The following SLC24A2 variants were observed in gnomAD, a reference collection of about 807,000 sequenced individuals.
The protein encoded by SLC24A2 is solute carrier family 24 member 2.
SLC24A2 carries 36 observed loss-of-function variants against 62.0 expected under a neutral mutation model. The observed-to-expected ratio is 0.58, with a 90% CI of 0.44 to 0.77. SLC24A2 has a LOEUF of 0.77. Ranked by LOEUF, SLC24A2 falls within the 30% of genes least tolerant of loss-of-function variation. The probability of loss-of-function intolerance (pLI) is 0.00; values close to 1 mark genes in which losing one functional copy is unlikely to be tolerated. For missense variants in SLC24A2, 846 were observed against 817.9 expected (o/e 1.03, Z -0.42); for synonymous variants, 358 against 294.0 (o/e 1.22, Z -2.23).
At chr9:19,910,711 G>A in the SLC24A2 span, among the ~76,000 whole-genome samples, 1 of 151,980 alleles carries the variant, frequency 6.6e-6, no homozygotes, top group Non-Finnish European at 1.5e-5. Flanking sequence ...ACCTTCAGAT[G>A]TTCCTAGATT....
chr9:20,246,631 C>T, the SLC24A2 span, among the ~76,000 whole-genome samples: 6 of 152,206 alleles, frequency 3.9e-5, no homozygotes, highest in Admixed American at 2.6e-4. Context: ...GAATGCAGAT[C>T]TCCCTCAAGA....
At chr9:19,825,688 G>A in the SLC24A2 span, among the ~76,000 whole-genome samples, 14 of 152,234 alleles carry the variant, frequency 9.2e-5, no homozygotes, top group African/African-American at 2.9e-4. Flanking sequence ...GCAGTCTTAC[G>A]TCCTGCCCCA....
chr9:19,975,865 GA>G, the SLC24A2 span, among the ~76,000 whole-genome samples: 3 of 150,132 alleles, frequency 2.0e-5, no homozygotes, highest in Admixed American at 6.6e-5. Flanking sequence ...AAAATATTTA[GA>G]AAAAAAAATA....
At chr9:19,897,631 A>G in the SLC24A2 span, among the ~76,000 whole-genome samples, 3 of 152,226 alleles carry the variant, frequency 2.0e-5, no homozygotes, top group Non-Finnish European at 4.4e-5. Flanking sequence ...AAAGTTTATT[A>G]TTAAATAGAA....
the SLC24A2 span, among the ~76,000 whole-genome samples, chr9:20,305,805 A>G: frequency 6.6e-6 from 1 of 152,208 alleles, no homozygotes; most frequent in Non-Finnish European, 1.5e-5. Flanking sequence ...ACAAAGTACC[A>G]TAGACTGGGC....
chr9:19,890,104 C>T, the SLC24A2 span, among the ~76,000 whole-genome samples: 1 of 152,214 alleles, frequency 6.6e-6, no homozygotes, highest in Non-Finnish European at 1.5e-5. Context: ...ACACCCGTCT[C>T]TTTCTCTATC....
intron 2 of SLC24A2, among the ~76,000 whole-genome samples, chr9:19,682,679 A>T (rs1587145319): frequency 6.6e-6 from 1 of 152,324 alleles, no homozygotes; most frequent in South Asian, 2.1e-4. Flanking sequence ...CTAAATACAC[A>T]AACGTACTGT....
chr9:20,148,925 C>G, the SLC24A2 span, among the ~76,000 whole-genome samples: 1 of 152,028 alleles, frequency 6.6e-6, no homozygotes, highest in Non-Finnish European at 1.5e-5. Flanking sequence ...TTTTAAAAAT[C>G]ACAGTTGTAA....
chr9:19,630,529 A>C (rs1048486059), intron 2 of SLC24A2, among the ~76,000 whole-genome samples: 5 of 152,158 alleles, frequency 3.3e-5, no homozygotes, highest in Non-Finnish European at 5.9e-5. Context: ...AACTTTTCAT[A>C]TTTATAGTCT....
At chr9:19,651,799 G>A (rs187073104) in intron 2 of SLC24A2, among the ~76,000 whole-genome samples, 26 of 152,248 alleles carry the variant, frequency 1.7e-4, no homozygotes, top group Admixed American at 1.4e-3. Context: ...CCATGACAGT[G>A]CCTGCATTAG....
chr9:20,302,404 A>C, the SLC24A2 span, among the ~76,000 whole-genome samples: 1 of 152,192 alleles, frequency 6.6e-6, no homozygotes, highest in Non-Finnish European at 1.5e-5. Flanking sequence ...TAGTGTTGTC[A>C]GTGTTCTGGG....
chr9:19,832,472 C>T, the SLC24A2 span, among the ~76,000 whole-genome samples: 717 of 152,068 alleles, frequency 4.7e-3, 6 homozygotes, highest in African/African-American at 0.016. Context: ...AGGTCAGGGA[C>T]GAAAACAAGA....
At chr9:20,149,904 G>C in the SLC24A2 span, among the ~76,000 whole-genome samples, 10 of 151,976 alleles carry the variant, frequency 6.6e-5, no homozygotes, top group African/African-American at 2.4e-4. Context: ...TTAAAGGCCA[G>C]TCACGGGTGA....
the SLC24A2 span, among the ~76,000 whole-genome samples, chr9:19,896,985 G>A: frequency 2.6e-5 from 4 of 152,084 alleles, no homozygotes; most frequent in African/African-American, 9.7e-5. Flanking sequence ...AGTAGGAGTT[G>A]GACTGAGTAA....
the SLC24A2 span, among the ~76,000 whole-genome samples, chr9:20,107,616 T>C: frequency 2.6e-5 from 4 of 152,192 alleles, no homozygotes. Context: ...ATTTCATAAA[T>C]GGTGCTGGGA....
chr9:19,820,329 G>A, the SLC24A2 span, among the ~76,000 whole-genome samples: 2 of 150,272 alleles, frequency 1.3e-5, no homozygotes, highest in South Asian at 2.1e-4. Flanking sequence ...CAAATATGGT[G>A]TAGTGTATAC....
chr9:20,076,167 G>A, the SLC24A2 span, among the ~76,000 whole-genome samples: 10 of 151,990 alleles, frequency 6.6e-5, no homozygotes, highest in East Asian at 3.9e-4. Flanking sequence ...ACAGAGGGCC[G>A]GCTACATGAC....
the SLC24A2 span, among the ~76,000 whole-genome samples, chr9:20,203,763 A>C: frequency 7.9e-5 from 12 of 152,148 alleles, no homozygotes; most frequent in African/African-American, 2.2e-4. Context: ...GGTGACATAA[A>C]CTGGAAGAAA....
the SLC24A2 span, among the ~76,000 whole-genome samples, chr9:20,265,126 T>A: frequency 4.9e-4 from 74 of 152,354 alleles, 1 homozygote; most frequent in African/African-American, 1.8e-3. Flanking sequence ...TCCATATCAA[T>A]GGCTGCCTGC....
Sources: allele counts gnomAD v4.1 joint callset (sites outside exome capture counted in the v4.1 genomes callset), GRCh38; gene constraint gnomAD v4.1.1; transcripts MANE v1.5; gene names NCBI Gene and HGNC (gene_info 2026-07-23, HGNC 2026-07-21).